The following SLC8A1 variants were observed in gnomAD, a reference collection of about 807,000 sequenced individuals.
The protein encoded by SLC8A1 is sodium/calcium exchanger 1.
Under a neutral mutation model 68.3 loss-of-function variants are expected in SLC8A1, and 18 were observed. That is an observed-to-expected ratio of 0.26 (90% confidence interval 0.18 to 0.39). SLC8A1 has a LOEUF of 0.39. Ranked by LOEUF, SLC8A1 falls within the 10% of genes least tolerant of loss-of-function variation. The pLI is 1.00. For missense variants in SLC8A1, 985 were observed against 1,156.7 expected (o/e 0.85, Z 2.15); for synonymous variants, 475 against 415.5 (o/e 1.14, Z -1.74).
rs1411831946 is a variant in SLC8A1 at position 40,154,288 on chromosome 2, TTTTA to T, written c.2161+6473_2161+6476del. On this transcript the variant is annotated intron_variant, in intron 6 of 7. Coordinates refer to ENST00000406785, the Ensembl canonical transcript of SLC8A1. The stretch of plus-strand genomic sequence containing the variant: ...AAGTGGGCCACAATTTTTAATTTAT[TTTTA>T]TTTATTCTTTTTTTTTTTTTTTTTT... 1.0e-4 allele frequency among the ~76,000 whole-genome samples: 15 copies of T among 144,832 alleles called. 1 individual carries two copies. In the South Asian group the frequency reaches 1.8e-3, roughly 17 times the overall value.
At chr2:40,206,834 C>T (rs1018711946) in intron 2 of SLC8A1, among the ~76,000 whole-genome samples, 1 of 151,914 alleles carries the variant, frequency 6.6e-6, no homozygotes, top group Non-Finnish European at 1.5e-5. Context: ...CTTAAGAGCT[C>T]GGCGAAAATG....
At chr2:40,332,466 T>A (rs1228087212) in intron 2 of SLC8A1, among the ~76,000 whole-genome samples, 1 of 152,116 alleles carries the variant, frequency 6.6e-6, no homozygotes, top group East Asian at 1.9e-4. Context: ...CTTACTTATG[T>A]ATCTTTATCC....
At chr2:40,449,526 G>C (rs1196867275) in intron 1 of SLC8A1, among the ~76,000 whole-genome samples, 1 of 152,160 alleles carries the variant, frequency 6.6e-6, no homozygotes, top group Non-Finnish European at 1.5e-5. Flanking sequence ...TAGTCCTATA[G>C]ATGTTACTGA....
In SLC8A1 at chr2:40,244,088, C is replaced by T. The variant is rs150376696; in HGVS notation, c.1809-66233G>A. Among the ~76,000 whole-genome samples, 366 of 152,246 alleles carry T rather than the reference C, an allele frequency of 2.4e-3. 1 individual carries two copies. The highest frequency in any genetic ancestry group is 3.3e-3 in the Non-Finnish European group (227 of 68,032). ...CATCTGAGCAATTTAATGGAAAGTG[C>T]TGTGAAAACACAGCTGCAAGCCTTA... On this transcript the variant is annotated intron_variant, in intron 2 of 7. Transcript: ENST00000406785.
chr2:40,375,515 T>C (rs1679523699), intron 2 of SLC8A1, among the ~76,000 whole-genome samples: 1 of 152,130 alleles, frequency 6.6e-6, no homozygotes, highest in South Asian at 2.1e-4. Context: ...TTCAACATGG[T>C]ATCAAATACC....
intron 4 of SLC8A1, among the ~76,000 whole-genome samples, chr2:40,165,372 C>G (rs1428937371): frequency 1.3e-5 from 2 of 152,166 alleles, no homozygotes; most frequent in Admixed American, 6.5e-5. Flanking sequence ...AAGGGAAACA[C>G]AATTGAAAGT....
intron 2 of SLC8A1, among the ~76,000 whole-genome samples, chr2:40,193,491 TAAAC>T (rs954035302): frequency 2.0e-5 from 3 of 152,032 alleles, no homozygotes; most frequent in Non-Finnish European, 4.4e-5. Flanking sequence ...GGTGGGGAAA[TAAAC>T]AGAGACTTGG....
chr2:40,360,607 C>G (rs1048521115), intron 2 of SLC8A1, among the ~76,000 whole-genome samples: 2 of 152,154 alleles, frequency 1.3e-5, no homozygotes, highest in Admixed American at 6.6e-5. Context: ...ATTTCTCTCA[C>G]TTTAGACACT....
intron 2 of SLC8A1, among the ~76,000 whole-genome samples, chr2:40,182,897 C>G (rs1019293372): frequency 2.6e-5 from 4 of 152,116 alleles, no homozygotes; most frequent in African/African-American, 9.7e-5. Flanking sequence ...GGGAGAAGAT[C>G]AGGAAAGGAT....
chr2:40,375,590 A>G (rs1679552031), intron 2 of SLC8A1, among the ~76,000 whole-genome samples: 1 of 152,150 alleles, frequency 6.6e-6, no homozygotes, highest in Admixed American at 6.6e-5. Context: ...AGAATTAAGT[A>G]AAGTTGGCTA....
chr2:40,195,235 T>C (rs1445429170), intron 2 of SLC8A1, among the ~76,000 whole-genome samples: 1 of 152,106 alleles, frequency 6.6e-6, no homozygotes, highest in Non-Finnish European at 1.5e-5. Context: ...TTTCTGAGTA[T>C]CTGGAAGAAC....
At chr2:40,176,507 C>A (rs894403544) in intron 3 of SLC8A1, among the ~76,000 whole-genome samples, 4 of 152,132 alleles carry the variant, frequency 2.6e-5, no homozygotes, top group African/African-American at 9.7e-5. Flanking sequence ...TGTCTACCAT[C>A]TATGGAGCAT....
At chr2:40,236,959 C>T (rs2060474048) in intron 2 of SLC8A1, among the ~76,000 whole-genome samples, 1 of 152,128 alleles carries the variant, frequency 6.6e-6, no homozygotes, top group Non-Finnish European at 1.5e-5. Flanking sequence ...AGGGTTTCTG[C>T]CGAGAGATCC....
At chr2:40,307,461 G>A (rs545431890) in intron 2 of SLC8A1, among the ~76,000 whole-genome samples, 5 of 152,108 alleles carry the variant, frequency 3.3e-5, no homozygotes, top group Admixed American at 1.3e-4. Context: ...GATCTGTTCC[G>A]CAATGATGTG....
chr2:40,428,548 T>A, exon 2 of SLC8A1: 2 of 1,613,672 alleles, frequency 1.2e-6, no homozygotes, highest in Non-Finnish European at 1.7e-6. Context: ...GGCAGTCCCT[T>A]CGATGGTTTT....
chr2:40,430,384 AT>A lies in SLC8A1; in HGVS notation c.-24-81del. 3.6e-6 allele frequency: 5 copies of A among 1,381,462 alleles called. No individual in the cohort carries two copies. The South Asian group carries it at 6.0e-5, about 16-fold the overall frequency. 85.6% of individuals were successfully genotyped at this position (1,381,462 alleles called of 1,614,324 possible). The stretch of plus-strand genomic sequence containing the variant: ...GCAGCCAAAGCATTACTAATTACTT[AT>A]TTTTATTACTCTTACCAAAATTTGT... On this transcript the variant is annotated intron_variant, in intron 1 of 7. Transcript: ENST00000406785.
At chr2:40,240,699 A>T (rs1278972121) in intron 2 of SLC8A1, among the ~76,000 whole-genome samples, 2 of 152,224 alleles carry the variant, frequency 1.3e-5, no homozygotes, top group Non-Finnish European at 2.9e-5. Context: ...CATTCACTAC[A>T]TACCAAGCAC....
chr2:40,182,132 C>G (rs1361758566), intron 2 of SLC8A1, among the ~76,000 whole-genome samples: 1 of 152,176 alleles, frequency 6.6e-6, no homozygotes, highest in East Asian at 1.9e-4. Context: ...GTTCTGTTTA[C>G]CAACGGGAAA....
chr2:40,432,096 A>G (rs1042273346), intron 1 of SLC8A1, among the ~76,000 whole-genome samples: 5 of 152,212 alleles, frequency 3.3e-5, no homozygotes, highest in African/African-American at 1.2e-4. Context: ...AGGCTTTGAG[A>G]TTTCTGCTTG....
Sources: allele counts gnomAD v4.1 joint callset (sites outside exome capture counted in the v4.1 genomes callset), GRCh38; gene constraint gnomAD v4.1.1; transcripts MANE v1.5; gene names NCBI Gene and HGNC (gene_info 2026-07-23, HGNC 2026-07-21).